The following DLG1 variants were observed in gnomAD, a reference collection of about 807,000 sequenced individuals.
DLG1 encodes the protein discs large MAGUK scaffold protein 1.
DLG1 carries 42 observed loss-of-function variants against 123.4 expected under a neutral mutation model. That is an observed-to-expected ratio of 0.34 (90% CI 0.27 to 0.44). The LOEUF (loss-of-function observed/expected upper bound fraction) is 0.44, where lower values mean the gene tolerates loss of function less well. Among genes scored for constraint, DLG1 ranks in the 20% least tolerant of loss-of-function variants. The probability of loss-of-function intolerance (pLI) is 1.00; values close to 1 mark genes in which losing one functional copy is unlikely to be tolerated. For missense variants in DLG1, 942 were observed against 1,082.6 expected, an observed-to-expected ratio of 0.87 and a Z score of 1.82; for synonymous variants, 317 against 356.2, an observed-to-expected ratio of 0.89 and a Z score of 1.24.
At chr3:197,177,134 G>A (rs1807546559) in intron 5 of DLG1, among the ~76,000 whole-genome samples, 1 of 151,936 alleles carries the variant, frequency 6.6e-6, no homozygotes, top group African/African-American at 2.4e-5. Context: ...GTGTCAAAGG[G>A]GGAACAATTG....
At chr3:197,112,152 T>C (rs1393538571) in intron 13 of DLG1, among the ~76,000 whole-genome samples, 2 of 152,118 alleles carry the variant, frequency 1.3e-5, no homozygotes, top group Non-Finnish European at 2.9e-5. Context: ...AATGTTGTTA[T>C]TTTTTTCTTT....
At chr3:197,158,495 G>C (rs550751013) in intron 5 of DLG1, among the ~76,000 whole-genome samples, 41 of 151,000 alleles carry the variant, frequency 2.7e-4, no homozygotes, top group African/African-American at 8.5e-4. Flanking sequence ...TTAGCCGGGC[G>C]TGGTGGCACA....
intron 24 of DLG1, among the ~76,000 whole-genome samples, chr3:197,049,857 G>GT (rs1726087297): frequency 6.6e-6 from 1 of 152,144 alleles, no homozygotes; most frequent in South Asian, 2.1e-4. Context: ...GAGCCTAGGA[G>GT]TTTGAGACCA....
intron 11 of DLG1, among the ~76,000 whole-genome samples, chr3:197,124,801 T>C (rs918322274): frequency 3.3e-5 from 5 of 152,106 alleles, no homozygotes; most frequent in African/African-American, 1.2e-4. Flanking sequence ...CTCGGTGATA[T>C]TAAGCAGAGA....
At chr3:197,248,303 C>T (rs1383677841) in intron 4 of DLG1, among the ~76,000 whole-genome samples, 5 of 152,130 alleles carry the variant, frequency 3.3e-5, no homozygotes, top group South Asian at 2.1e-4. Context: ...TTGGTTGCTG[C>T]GGTATCTACT....
chr3:197,080,110 G>C (rs1420293039), intron 17 of DLG1, among the ~76,000 whole-genome samples: 2 of 151,466 alleles, frequency 1.3e-5, no homozygotes, highest in Non-Finnish European at 2.9e-5. Flanking sequence ...AGTGAGTTCA[G>C]GATTATTAAG....
At chr3:197,134,809 C>T (rs1377572555) in intron 10 of DLG1, among the ~76,000 whole-genome samples, 1 of 152,194 alleles carries the variant, frequency 6.6e-6, no homozygotes, top group African/African-American at 2.4e-5. Flanking sequence ...AAGTGTTGTG[C>T]CATGGAGTAT....
chr3:197,239,170 T>C (rs574559097), intron 4 of DLG1, among the ~76,000 whole-genome samples: 1 of 151,952 alleles, frequency 6.6e-6, no homozygotes, highest in East Asian at 1.9e-4. Flanking sequence ...GAGAAATAAA[T>C]AGGATAACAG....
At chr3:197,094,949 T>C (rs1472152104) in intron 14 of DLG1, among the ~76,000 whole-genome samples, 1 of 152,220 alleles carries the variant, frequency 6.6e-6, no homozygotes, top group African/African-American at 2.4e-5. Flanking sequence ...TTATGGCATT[T>C]TGAAGTGTAG....
In DLG1 at chr3:197,153,577, C is replaced by T. The variant is rs147259890; in HGVS notation, c.484-3781G>A. Among the ~76,000 whole-genome samples the T allele has an allele frequency of 3.3e-3, 508 of 152,308 alleles. 2 individuals are homozygous for T. Among genetic ancestry groups the T allele is most frequent in the African/African-American group, 4.8e-3 (200 of 41,554 alleles). ...GGCCCTGGATACTGCTGTTCCACCT[C>T]CTCCTCATTGTTGGAAACCCCACCC... On this transcript the variant is annotated intron_variant, in intron 5 of 24. Coordinates refer to ENST00000667157, the MANE Select transcript of DLG1 (RefSeq NM_001366207.1).
chr3:197,099,840 A>T (rs1056430220), intron 14 of DLG1, among the ~76,000 whole-genome samples: 2 of 152,212 alleles, frequency 1.3e-5, no homozygotes, highest in Non-Finnish European at 2.9e-5. Context: ...AGAAAAAGGG[A>T]AACTATTTTT....
intron 11 of DLG1, among the ~76,000 whole-genome samples, chr3:197,129,670 T>C (rs988917888): frequency 9.8e-5 from 15 of 152,324 alleles, no homozygotes; most frequent in Admixed American, 7.2e-4. Context: ...TTAAATCTTT[T>C]TGACATATAA....
rs758584565 is a variant in DLG1 at position 197,297,221 on chromosome 3, G to C, written c.-17C>G. On this transcript the variant is annotated 5_prime_UTR_variant, in exon 2 of 25. Coordinates refer to ENST00000667157, the MANE Select transcript of DLG1 (RefSeq NM_001366207.1). ...GACCGGCATTTTTCTCCAGAATCAG[G>C]AAGAGGGCACACACCTTTAAAACAC... The C allele has an allele frequency of 1.2e-6, 2 of 1,614,102 alleles. No individual in the cohort carries two copies. Among genetic ancestry groups the C allele is most frequent in the Non-Finnish European group, 1.7e-6 (2 of 1,180,024 alleles).
At chr3:197,125,860 T>C (rs2149487194) in intron 11 of DLG1, among the ~76,000 whole-genome samples, 2 of 152,294 alleles carry the variant, frequency 1.3e-5, no homozygotes, top group South Asian at 4.1e-4. Context: ...ACAGCCAGAC[T>C]GATGAAGAGA....
chr3:197,220,772 G>A (rs1736575950), intron 4 of DLG1, among the ~76,000 whole-genome samples: 1 of 152,122 alleles, frequency 6.6e-6, no homozygotes, highest in Non-Finnish European at 1.5e-5. Context: ...GAGAAACCAT[G>A]AAGTCAATAA....
intron 4 of DLG1, among the ~76,000 whole-genome samples, chr3:197,242,050 A>G (rs142974872): frequency 6.6e-6 from 1 of 152,296 alleles, no homozygotes; most frequent in Non-Finnish European, 1.5e-5. Context: ...GCTGTCTACA[A>G]GAAACCCACT....
intron 4 of DLG1, among the ~76,000 whole-genome samples, chr3:197,250,678 G>A (rs1485124449): frequency 6.6e-6 from 1 of 151,690 alleles, no homozygotes; most frequent in South Asian, 2.1e-4. Context: ...AACCAAAGAA[G>A]TTAAAGATCT....
chr3:197,297,722 G>A (rs1366508611), intron 1 of DLG1: 17 of 986,708 alleles, frequency 1.7e-5, no homozygotes, highest in Non-Finnish European at 2.0e-5. Flanking sequence ...GGCCGGACAG[G>A]GCAGCGGCCG....
chr3:197,292,443 G>C (rs1303396474), intron 3 of DLG1, among the ~76,000 whole-genome samples: 2 of 152,196 alleles, frequency 1.3e-5, no homozygotes. Flanking sequence ...GTCACAAGGG[G>C]CTGGGAAGTG....
Sources: allele counts gnomAD v4.1 joint callset (sites outside exome capture counted in the v4.1 genomes callset), GRCh38; gene constraint gnomAD v4.1.1; transcripts MANE v1.5; gene names NCBI Gene and HGNC (gene_info 2026-07-23, HGNC 2026-07-21).